PREX2: variants seen among roughly 807,000 people sequenced by gnomAD.
PREX2 encodes phosphatidylinositol-3,4,5-trisphosphate dependent Rac exchange factor 2.
PREX2 carries 107 observed loss-of-function variants against 203.2 expected under a neutral mutation model. That is an observed-to-expected ratio of 0.53 (90% CI 0.45 to 0.62). The LOEUF is 0.62. Ranked by LOEUF, PREX2 falls within the 20% of genes least tolerant of loss-of-function variation. The pLI, the probability that PREX2 is intolerant of heterozygous loss-of-function variation, is 0.00. For synonymous variants in PREX2, 672 were observed against 663.6 expected, an observed-to-expected ratio of 1.01 and a Z score of -0.19; for missense variants, 1,777 against 1,955.9, an observed-to-expected ratio of 0.91 and a Z score of 1.72.
rs1454714208 is a variant in PREX2 at position 68,030,644 on chromosome 8, A to C, written c.691A>C (p.Ile231Leu). 6.2e-7 allele frequency: 1 copy of C among 1,613,554 alleles called. No individual in the cohort carries two copies. Among genetic ancestry groups the C allele is most frequent in the Non-Finnish European group, 8.5e-7 (1 of 1,179,566 alleles). ...LEVLEEWQSH[I>L]EGWEGSNITD... Reference sequence around the variant, plus strand: ...AGTTTTAGAGGAATGGCAGTCTCACATTGAAGGCTGGGAGGTACATTCACT... The same window carrying C: ...AGTTTTAGAGGAATGGCAGTCTCACCTTGAAGGCTGGGAGGTACATTCACT... Residue 231 changes from isoleucine to leucine, a missense_variant, in exon 6 of 40, where the codon ATT (isoleucine) becomes CTT (leucine). Transcript: ENST00000288368.
chr8:68,119,486 A>G lies in PREX2; in HGVS notation c.3476A>G (p.His1159Arg), dbSNP rs1372451844. The part of the protein sequence containing the change: ...RISHDKQDKI[H>R]SCLEHLFSQV... ...TCTCATGATAAACAGGACAAGATAC[A>G]TAGTTGCCTTGAGCATCTTTTCAGC... Residue 1159 changes from histidine (H) to arginine (R), a missense_variant, in exon 28 of 40, where the codon CAT becomes CGT. Physicochemically the swap from His to Arg is conservative, Grantham distance 29. Transcript: ENST00000288368. The G allele has an allele frequency of 5.6e-6, 9 of 1,613,682 alleles. No homozygotes were observed. The highest frequency in any genetic ancestry group is 7.6e-6 in the Non-Finnish European group (9 of 1,179,748).
intron 21 of PREX2, among the ~76,000 whole-genome samples, chr8:68,094,075 C>T (rs77945867): frequency 0.021 from 3,243 of 152,172 alleles, 100 homozygotes; most frequent in African/African-American, 0.065. Context: ...GGATTCAAAC[C>T]CAGGTTATAA....
At chr8:68,054,330 A>G (rs1480388300) in intron 9 of PREX2, among the ~76,000 whole-genome samples, 2 of 152,076 alleles carry the variant, frequency 1.3e-5, no homozygotes, top group Admixed American at 6.6e-5. Context: ...CAAACTTTCA[A>G]TCAAATTGAA....
chr8:68,017,387 A>T (rs917939170), intron 1 of PREX2, among the ~76,000 whole-genome samples: 25 of 152,102 alleles, frequency 1.6e-4, no homozygotes, highest in Admixed American at 1.6e-3. Context: ...CTATCTATCT[A>T]TCATCTATTT....
Position 68,134,104 on chromosome 8 carries a change from T to A in PREX2, c.3812T>A (p.Leu1271His). 1.9e-6 allele frequency: 3 copies of A among 1,614,190 alleles called. No homozygotes were observed. The highest frequency in any genetic ancestry group is 2.5e-6 in the Non-Finnish European group (3 of 1,180,004). The change falls in exon 32 of 40, where the codon CTT becomes CAT. Residue 1271 changes from leucine (L) to histidine (H), a missense_variant. Transcript: ENST00000288368. ...LRRDMVFCQT[L>H]VATVCAFSEQ... ...AGAGACATGGTTTTCTGCCAGACTC[T>A]TGTGGCCACTGTCTGTGCCTTCTCT...
At chr8:68,071,371 A>T (rs1809190552) in intron 13 of PREX2, among the ~76,000 whole-genome samples, 1 of 152,188 alleles carries the variant, frequency 6.6e-6, no homozygotes, top group Non-Finnish European at 1.5e-5. Flanking sequence ...TATGGTCTGT[A>T]ATAGACTACG....
intron 32 of PREX2, among the ~76,000 whole-genome samples, chr8:68,137,815 A>G (rs1342338213): frequency 7.2e-5 from 11 of 152,236 alleles, no homozygotes; most frequent in Non-Finnish European, 1.6e-4. Context: ...ACGAATGATT[A>G]AAACAAACCA....
intron 35 of PREX2, among the ~76,000 whole-genome samples, chr8:68,166,126 T>G (rs1437724890): frequency 6.6e-6 from 1 of 152,150 alleles, no homozygotes; most frequent in Non-Finnish European, 1.5e-5. Context: ...ATCATCTGTC[T>G]AAAGACAGAG....
intron 32 of PREX2, among the ~76,000 whole-genome samples, chr8:68,136,830 T>C (rs1811122373): frequency 6.6e-6 from 1 of 152,140 alleles, no homozygotes; most frequent in Admixed American, 6.5e-5. Context: ...TGATTCTTTT[T>C]CACAGAATGG....
chr8:68,008,965 C>A (rs1807183452), intron 1 of PREX2, among the ~76,000 whole-genome samples: 2 of 152,058 alleles, frequency 1.3e-5, no homozygotes, highest in African/African-American at 2.4e-5. Context: ...GACTGACATG[C>A]AAAATAAATG....
intron 37 of PREX2, among the ~76,000 whole-genome samples, chr8:68,196,475 G>A (rs961216439): frequency 2.1e-5 from 3 of 145,520 alleles, no homozygotes; most frequent in Non-Finnish European, 4.5e-5. Flanking sequence ...CTATATATAT[G>A]TACATATATA....
intron 37 of PREX2, among the ~76,000 whole-genome samples, chr8:68,204,244 A>G (rs1812565372): frequency 6.6e-6 from 1 of 152,136 alleles, no homozygotes; most frequent in South Asian, 2.1e-4. Context: ...GAAGGTCCCT[A>G]ATCACCTCTA....
intron 18 of PREX2, among the ~76,000 whole-genome samples, chr8:68,084,989 C>T (rs1424444286): frequency 6.6e-6 from 1 of 152,118 alleles, no homozygotes; most frequent in Non-Finnish European, 1.5e-5. Flanking sequence ...GACTTAGTTG[C>T]TAGATGAGCA....
At chr8:68,191,247 T>A (rs185904293) in intron 35 of PREX2, among the ~76,000 whole-genome samples, 1 of 152,348 alleles carries the variant, frequency 6.6e-6, no homozygotes, top group Admixed American at 6.5e-5. Flanking sequence ...AGTTAGGTTT[T>A]TATGAGCCTT....
At position 68,235,387 on chromosome 8, in the gene PREX2, A is replaced by T. The variant is rs1252573260; in HGVS notation, c.*4009A>T. 1 of 152,148 alleles carries T rather than the reference A, an allele frequency of 6.6e-6. No homozygotes were observed. The highest frequency in any genetic ancestry group is 1.9e-4 in the East Asian group (1 of 5,192). 9.4% of individuals were successfully genotyped at this position (152,148 alleles called of 1,614,324 possible). A position where few individuals can be genotyped will look rare whatever the true frequency, so the allele number is the denominator to read the frequency against. On this transcript the variant is annotated 3_prime_UTR_variant, in exon 40 of 40. Coordinates refer to ENST00000288368, the MANE Select transcript of PREX2 (RefSeq NM_024870.4). Reference sequence around the variant, plus strand: ...ATGTTTAATTTTTAAAGACATTGTTATGTGAATTATCTTACTAAATTATCA... The same window carrying T: ...ATGTTTAATTTTTAAAGACATTGTTTTGTGAATTATCTTACTAAATTATCA...
At chr8:68,102,982 T>G (rs761605128) in intron 23 of PREX2, 2 of 513,596 alleles carry the variant, frequency 3.9e-6, no homozygotes, top group African/African-American at 3.9e-5. Context: ...TAAATTGTCC[T>G]GGAAACGCTT....
At chr8:68,074,616 A>G (rs1809292971) in intron 14 of PREX2, among the ~76,000 whole-genome samples, 1 of 152,228 alleles carries the variant, frequency 6.6e-6, no homozygotes, top group African/African-American at 2.4e-5. Flanking sequence ...AGAAATAGTA[A>G]TGGAAGGATA....
At chr8:68,167,822 A>G in intron 35 of PREX2, among the ~76,000 whole-genome samples, 1 of 152,210 alleles carries the variant, frequency 6.6e-6, no homozygotes, top group Non-Finnish European at 1.5e-5. Context: ...GAATTTTAGA[A>G]AGCTTCTTAG....
At chr8:68,023,327 G>A (rs955579537) in intron 4 of PREX2, among the ~76,000 whole-genome samples, 2 of 152,272 alleles carry the variant, frequency 1.3e-5, no homozygotes, top group East Asian at 3.9e-4. Context: ...ATGCTAGTGG[G>A]TGTGTAGTGC....
Sources: gnomAD v4.1 joint callset for allele counts (sites outside exome capture counted in the v4.1 genomes callset) on GRCh38, gnomAD v4.1.1 for gene constraint, MANE v1.5 for transcripts, NCBI Gene and HGNC (gene_info 2026-07-23, HGNC 2026-07-21) for gene names.